RBM46: variants seen among roughly 807,000 people sequenced by gnomAD.
RBM46 encodes the protein probable RNA-binding protein 46.
Under a neutral mutation model 43.3 loss-of-function variants are expected in RBM46, and 12 were observed. The ratio of observed to expected loss-of-function variants is 0.28; its 90% confidence interval spans 0.18 to 0.45. RBM46 has a LOEUF of 0.45. RBM46 is among the 20% of genes least tolerant of loss of function. RBM46 has a pLI of 1.00. For missense variants in RBM46, 412 were observed against 639.1 expected (o/e 0.64, Z 3.83); for synonymous variants, 205 against 207.6 (o/e 0.99, Z 0.11).
chr4:154,818,474 C>T (rs180976049), intron 4 of RBM46, among the ~76,000 whole-genome samples: 37 of 152,274 alleles, frequency 2.4e-4, no homozygotes, highest in African/African-American at 8.4e-4. Flanking sequence ...TTTGAACATA[C>T]ATTGTGCCAT....
At chr4:154,790,210 T>C (rs1288748606) in intron 1 of RBM46, 1 of 152,238 alleles carries the variant, frequency 6.6e-6, no homozygotes, top group Non-Finnish European at 1.5e-5. Flanking sequence ...TGCCTTCTGC[T>C]AGCTTTTGAA....
intron 1 of RBM46, among the ~76,000 whole-genome samples, chr4:154,794,959 C>T (rs1255859648): frequency 9.9e-5 from 15 of 151,622 alleles, no homozygotes. Context: ...AAATTCTGGC[C>T]TTTTATTTAC....
rs982471432 is a variant in RBM46 at position 154,799,693 on chromosome 4, A to G, written c.1402+129A>G. 3.3e-5 allele frequency: 20 copies of G among 603,470 alleles called. No individual in the cohort carries two copies. In the East Asian group the frequency reaches 5.6e-4, roughly 17 times the overall value. The allele number at this position is 603,470 out of a possible 1,614,324, so 37.4% of individuals were successfully genotyped here. A position where few individuals can be genotyped will look rare whatever the true frequency, so the allele number is the denominator to read the frequency against. ...GTAACATAAATTTTATCTCAATTTT[A>G]TAAAGTCATGATAACTTTCTTGAAA... On this transcript the variant is annotated intron_variant, in intron 4 of 4. Coordinates refer to ENST00000281722, the MANE Select transcript of RBM46 (RefSeq NM_144979.5).
chr4:154,789,683 C>T (rs1733977757), intron 1 of RBM46, among the ~76,000 whole-genome samples: 2 of 152,144 alleles, frequency 1.3e-5, no homozygotes, highest in African/African-American at 2.4e-5. Context: ...ATGATGCTGG[C>T]CTCATAAAAT....
chr4:154,827,717 A>T, intron 4 of RBM46, 151 bp from the exon 5 acceptor site: 1 of 1,461,718 alleles, frequency 6.8e-7, no homozygotes, highest in Non-Finnish European at 9.0e-7. Flanking sequence ...TGAATGCTGA[A>T]ATAATCTTTA....
At chr4:154,798,420 T>G in intron 3 of RBM46, 142 bp downstream of exon 3, 1 of 606,628 alleles carries the variant, frequency 1.6e-6, no homozygotes, top group Non-Finnish European at 2.7e-6. Flanking sequence ...TAAAATAAAT[T>G]ACATGATTCT....
chr4:154,814,114 T>A (rs1735313797), intron 4 of RBM46, among the ~76,000 whole-genome samples: 1 of 151,994 alleles, frequency 6.6e-6, no homozygotes. Context: ...TTTACTTAGT[T>A]TTCCCTTATT....
At chr4:154,811,000 TACCTAA>T (rs1463777100) in intron 4 of RBM46, among the ~76,000 whole-genome samples, 1 of 152,216 alleles carries the variant, frequency 6.6e-6, no homozygotes, top group Non-Finnish European at 1.5e-5. Context: ...AACAAATACT[TACCTAA>T]GGCTGTTTTG....
At chr4:154,821,474 C>G (rs1735721203) in intron 4 of RBM46, among the ~76,000 whole-genome samples, 1 of 151,580 alleles carries the variant, frequency 6.6e-6, no homozygotes, top group South Asian at 2.1e-4. Context: ...AGCTGCTGTT[C>G]TAGTACTAAC....
chr4:154,781,565 C>G (rs1733463559), intron 1 of RBM46, 129 bp downstream of exon 1: 2 of 152,534 alleles, frequency 1.3e-5, no homozygotes, highest in African/African-American at 4.8e-5. Context: ...CACCCTCGTC[C>G]TTCCCCAGCC....
At chr4:154,796,950 A>G (rs1468795262) in intron 2 of RBM46, 47 bp downstream of exon 2, 1 of 1,526,930 alleles carries the variant, frequency 6.5e-7, no homozygotes, top group South Asian at 1.2e-5. Context: ...TAACCTCGTC[A>G]TGTAGATTAG....
At chr4:154,786,381 A>G (rs1399881864) in intron 1 of RBM46, among the ~76,000 whole-genome samples, 2 of 152,020 alleles carry the variant, frequency 1.3e-5, no homozygotes, top group Non-Finnish European at 2.9e-5. Flanking sequence ...GAGCCACCGT[A>G]CCTGGCCAGT....
At position 154,796,824 on chromosome 4, in the gene RBM46, A is replaced by G. The variant is rs778969753; in HGVS notation, c.72A>G (p.Ala24=). Residue 24 remains alanine (A), a synonymous_variant, in exon 2 of 5, where the codon GCA becomes GCG. Transcript: ENST00000281722. ...GAACTGGTATTCAGAATGAAGCAGC[A>G]TTACTTGCTTTGATGGAAAAGACTG... ...KVRTGIQNEA[A]LLALMEKTGY... is the part of the protein sequence containing the mutation. 3 of 1,613,752 alleles carry G rather than the reference A, an allele frequency of 1.9e-6. No individual in the cohort carries two copies. The highest frequency in any genetic ancestry group is 2.2e-5 in the East Asian group (1 of 44,878).
intron 4 of RBM46, among the ~76,000 whole-genome samples, chr4:154,808,845 G>A (rs1735040499): frequency 6.6e-6 from 1 of 151,960 alleles, no homozygotes; most frequent in South Asian, 2.1e-4. Flanking sequence ...ATTCCTTGGT[G>A]TGAACTTAGG....
chr4:154,820,367 G>A, intron 4 of RBM46: 1 of 1,519,610 alleles, frequency 6.6e-7, no homozygotes, highest in African/African-American at 1.4e-5. Flanking sequence ...TTACAGACAG[G>A]GAACACAATC....
At chr4:154,827,565 A>G (rs1736022736) in intron 4 of RBM46, 1 of 1,105,108 alleles carries the variant, frequency 9.0e-7, no homozygotes, top group African/African-American at 1.6e-5. Context: ...GTAGAGCAAG[A>G]GAAATGAGAC....
chr4:154,790,111 C>CA (rs894598528), intron 1 of RBM46, among the ~76,000 whole-genome samples: 1 of 152,032 alleles, frequency 6.6e-6, no homozygotes, highest in East Asian at 1.9e-4. Flanking sequence ...TTGATCTTTT[C>CA]AAAAAACCAG....
rs201983049 is a variant in RBM46 at position 154,796,781 on chromosome 4, A to T, written c.29A>T (p.Asn10Ile). 6.2e-7 allele frequency: 1 copy of T among 1,612,016 alleles called. No homozygotes were observed. The highest frequency in any genetic ancestry group is 8.5e-7 in the Non-Finnish European group (1 of 1,179,154). Residue 10 changes from asparagine to isoleucine, a missense_variant, in exon 2 of 5, where the codon AAT becomes ATT. By Grantham distance (149) the Asn-to-Ile change is moderately radical (BLOSUM62 -3). Transcript: ENST00000281722. MNEENIDGT[N>I]GCSKVRTGIQ... ...AATGAAGAAAATATAGATGGAACAA[A>T]TGGATGCAGTAAAGTTCGAACTGGT... is the stretch of plus-strand genomic sequence containing the variant.
At position 154,794,991 on chromosome 4, in the gene RBM46, G is replaced by A. The variant is rs1057058698; in HGVS notation, c.-11-1751G>A. On this transcript the variant is annotated intron_variant, in intron 1 of 4. Transcript: ENST00000281722. The stretch of plus-strand genomic sequence containing the variant: ...TTACTAATAATATCCCAGATGTAAG[G>A]AATAGTGCATAGAATATAGTTGGTC... 2.2e-4 allele frequency among the ~76,000 whole-genome samples: 34 copies of A among 152,010 alleles called. 1 individual carries two copies. Among genetic ancestry groups the A allele is most frequent in the Non-Finnish European group, 8.8e-5 (6 of 68,012 alleles).
Sources: allele counts gnomAD v4.1 joint callset (sites outside exome capture counted in the v4.1 genomes callset), GRCh38; gene constraint gnomAD v4.1.1; transcripts MANE v1.5; gene names NCBI Gene and HGNC (gene_info 2026-07-23, HGNC 2026-07-21).